The following HTR4 variants were observed in gnomAD, a reference collection of about 807,000 sequenced individuals.
The protein encoded by HTR4 is 5-hydroxytryptamine (serotonin) receptor 4, G protein-coupled.
A neutral mutation model predicts 36.8 loss-of-function variants in HTR4; 16 were observed. That is an observed-to-expected ratio of 0.43 (90% confidence interval 0.29 to 0.66). The LOEUF is 0.66. HTR4 is among the 30% of genes least tolerant of loss of function. HTR4 has a pLI of 0.13. For synonymous variants in HTR4, 189 were observed against 185.1 expected, an observed-to-expected ratio of 1.02 and a Z score of -0.17; for missense variants, 438 against 490.9, an observed-to-expected ratio of 0.89 and a Z score of 1.02.
chr5:148,561,668 C>G (rs1011169407), intron 2 of HTR4, among the ~76,000 whole-genome samples: 5 of 151,896 alleles, frequency 3.3e-5, no homozygotes, highest in African/African-American at 1.2e-4. Context: ...ATACACTCAC[C>G]AGGCACAGAA....
intron 5 of HTR4, among the ~76,000 whole-genome samples, chr5:148,470,791 C>T (rs1239068161): frequency 2.6e-5 from 4 of 152,132 alleles, no homozygotes; most frequent in Admixed American, 2.6e-4. Context: ...CAGATTCAAG[C>T]GATTTTCCTG....
intron 2 of HTR4, among the ~76,000 whole-genome samples, chr5:148,595,677 A>G (rs1761738989): frequency 1.3e-5 from 2 of 152,218 alleles, no homozygotes. Context: ...TTATATGCAA[A>G]TCATCTTGCC....
In HTR4 at chr5:148,637,027, G is replaced by T. The variant is rs202044152; in HGVS notation, c.-13C>A. 3 of 1,610,624 alleles carry T rather than the reference G, an allele frequency of 1.9e-6. No individual in the cohort carries two copies. Among genetic ancestry groups the T allele is most frequent in the Non-Finnish European group, 2.5e-6 (3 of 1,177,246 alleles). ...CAAGTTTGTCCATTACAGGAAATAAGCATGAGTGAGTTGGATTTCAATGCC... is the reference window on the plus strand; with the variant it reads ...CAAGTTTGTCCATTACAGGAAATAATCATGAGTGAGTTGGATTTCAATGCC... On this transcript the variant is annotated 5_prime_UTR_variant, in exon 2 of 7. Coordinates refer to ENST00000377888, the MANE Select transcript of HTR4 (RefSeq NM_000870.7).
chr5:148,627,874 C>T (rs1753177144), intron 2 of HTR4, among the ~76,000 whole-genome samples: 1 of 152,180 alleles, frequency 6.6e-6, no homozygotes, highest in African/African-American at 2.4e-5. Flanking sequence ...TAATATGGTT[C>T]TACAAAGTTG....
downstream of HTR4, among the ~76,000 whole-genome samples, chr5:148,472,807 T>C (rs1478135368): frequency 2.0e-5 from 3 of 152,152 alleles, no homozygotes; most frequent in Non-Finnish European, 2.9e-5. Flanking sequence ...GTACTCTGAA[T>C]TGGGCACTGT....
In HTR4 at chr5:148,610,658, C is replaced by T. The variant is rs1199363854; in HGVS notation, c.26+26331G>A. Among the ~76,000 whole-genome samples the T allele has an allele frequency of 1.7e-4, 26 of 151,208 alleles. No homozygotes were observed. The East Asian group carries it at 1.9e-3, about 11-fold the overall frequency. On this transcript the variant is annotated intron_variant, in intron 2 of 6. Coordinates refer to ENST00000377888, the MANE Select transcript of HTR4 (RefSeq NM_000870.7). ...AAGGAACGCAGCTCCTCACCAGCAA[C>T]GGAACAAAGCTGGACGGAGAATGAC...
chr5:148,492,800 A>T (rs926239703), intron 6 of HTR4, among the ~76,000 whole-genome samples: 1 of 152,196 alleles, frequency 6.6e-6, no homozygotes, highest in Non-Finnish European at 1.5e-5. Context: ...TATTGACACT[A>T]AATGGTAGAT....
chr5:148,476,895 G>A (rs1252566714), downstream of HTR4: 5 of 1,264,556 alleles, frequency 4.0e-6, no homozygotes, highest in Non-Finnish European at 5.4e-6. Context: ...ACTTCAGGTA[G>A]GAGGTGGTAT....
intron 5 of HTR4, among the ~76,000 whole-genome samples, chr5:148,458,549 G>C (rs1048100741): frequency 5.9e-5 from 9 of 152,098 alleles, no homozygotes; most frequent in Non-Finnish European, 8.8e-5. Flanking sequence ...TCAGAGGGGG[G>C]ATGAGATCTC....
At position 148,509,476 on chromosome 5, in the gene HTR4, A is replaced by T. The variant is rs771826377; in HGVS notation, c.1056T>A (p.Asn352Lys). ...CTCACCTTAGTACATGTGTGGATCC[A>T]TTAATGGTTGTGGTTGAACAAGGGA... ...QTVPCSTTTINGSTHVLRDAV... is the reference protein window; with the variant it reads ...QTVPCSTTTIKGSTHVLRDAV... The change falls in exon 6 of 7, where the codon AAT (asparagine) becomes AAA (lysine). Residue 352 changes from asparagine to lysine, a missense_variant. Physicochemically the swap from Asn to Lys is moderately conservative, Grantham distance 94. Transcript: ENST00000377888. 6.2e-7 allele frequency: 1 copy of T among 1,611,004 alleles called. No homozygotes were observed. Among genetic ancestry groups the T allele is most frequent in the Non-Finnish European group, 8.5e-7 (1 of 1,178,302 alleles).
chr5:148,504,631 A>G (rs1757098663), intron 6 of HTR4, among the ~76,000 whole-genome samples: 1 of 152,166 alleles, frequency 6.6e-6, no homozygotes, highest in Admixed American at 6.6e-5. Flanking sequence ...GAAGGCAAGA[A>G]ATAACTAAGA....
chr5:148,456,834 A>C (rs1357256251), intron 5 of HTR4, among the ~76,000 whole-genome samples: 4 of 152,236 alleles, frequency 2.6e-5, no homozygotes, highest in Admixed American at 2.6e-4. Flanking sequence ...ATTAAATGAG[A>C]TAATGCACAT....
At chr5:148,571,891 A>T (rs1194258661) in intron 2 of HTR4, among the ~76,000 whole-genome samples, 1 of 152,116 alleles carries the variant, frequency 6.6e-6, no homozygotes, top group Non-Finnish European at 1.5e-5. Flanking sequence ...TCTTCCATAA[A>T]AAGCTGTAAT....
chr5:148,451,048 T>G, exon 6 of HTR4: 1 of 1,459,684 alleles, frequency 6.9e-7, no homozygotes, highest in Non-Finnish European at 9.3e-7. Context: ...CTGTCCTCCA[T>G]GTACCTCCTC....
chr5:148,563,932 CTGAATGAATGAA>C (rs896515515), intron 2 of HTR4, among the ~76,000 whole-genome samples: 44 of 152,256 alleles, frequency 2.9e-4, no homozygotes, highest in Admixed American at 2.7e-3. Context: ...GAATGACTGA[CTGAATGAATGAA>C]TGAATGAGCT....
chr5:148,495,579 T>C (rs1756649619), intron 6 of HTR4, among the ~76,000 whole-genome samples: 1 of 152,104 alleles, frequency 6.6e-6, no homozygotes, highest in African/African-American at 2.4e-5. Context: ...TTGGTATTTG[T>C]CCAATGGACA....
chr5:148,540,134 A>G (rs1244639753), intron 4 of HTR4, among the ~76,000 whole-genome samples: 2 of 151,934 alleles, frequency 1.3e-5, no homozygotes, highest in South Asian at 2.1e-4. Flanking sequence ...AAAACCAAAT[A>G]CTGCATGTTC....
intron 6 of HTR4, among the ~76,000 whole-genome samples, chr5:148,500,679 T>C (rs1756896255): frequency 6.6e-6 from 1 of 151,218 alleles, no homozygotes; most frequent in African/African-American, 2.4e-5. Context: ...TACAACAAAG[T>C]TGTCACAAAA....
chr5:148,653,612 C>T (rs923228511), intron 1 of HTR4, among the ~76,000 whole-genome samples: 1 of 99,020 alleles, frequency 1.0e-5, no homozygotes, highest in Non-Finnish European at 2.5e-5. Context: ...CTCTCTAACA[C>T]ACACACACAC....
Sources: gnomAD v4.1 joint callset for allele counts (sites outside exome capture counted in the v4.1 genomes callset) on GRCh38, gnomAD v4.1.1 for gene constraint, MANE v1.5 for transcripts, NCBI Gene and HGNC (gene_info 2026-07-23, HGNC 2026-07-21) for gene names.